Variants in MGAM observed in about 807,000 individuals in gnomAD.
The protein encoded by MGAM is alpha-1,4-glucosidase.
MGAM carries 253 observed loss-of-function variants against 358.8 expected under a neutral mutation model. The ratio of observed to expected loss-of-function variants is 0.71; its 90% CI spans 0.64 to 0.78. The LOEUF (loss-of-function observed/expected upper bound fraction) is 0.78. MGAM is among the 30% of genes least tolerant of loss of function. MGAM has a pLI of 0.00. For missense variants in MGAM, 3,080 were observed against 3,432.6 expected, an observed-to-expected ratio of 0.90 and a Z score of 2.57; for synonymous variants, 1,105 against 1,227.1, an observed-to-expected ratio of 0.90 and a Z score of 2.08.
chr7:142,056,799 C>T (rs751909543), intron 29 of MGAM, 31 bp from the exon 30 acceptor site: 22 of 1,606,444 alleles, frequency 1.4e-5, no homozygotes, highest in South Asian at 3.3e-5. Context: ...GGAAGGTGTC[C>T]GTGAGGCTTG....
intron 16 of MGAM, 112 bp from the exon 17 acceptor site, chr7:142,036,057 G>C (rs1807961629): frequency 1.3e-6 from 1 of 763,386 alleles, no homozygotes; most frequent in African/African-American, 1.8e-5. Flanking sequence ...CACCCTCCTA[G>C]CCTTCTCGGT....
intron 60 of MGAM, 83 bp downstream of exon 60, chr7:142,093,633 A>G (rs1815613968): frequency 9.0e-6 from 12 of 1,335,632 alleles, no homozygotes; most frequent in South Asian, 4.0e-5. Flanking sequence ...TTTTCTTTTC[A>G]TTCCCATTCT....
In MGAM at chr7:142,071,172, T is replaced by C. The variant is rs1813317288; in HGVS notation, c.5186+54T>C. On this transcript the variant is annotated intron_variant, in intron 44 of 70. Transcript: ENST00000475668. The stretch of plus-strand genomic sequence containing the variant: ...ACATTTCAGTTAGCTCAACAATTTG[T>C]GATGAAGTCTACCAAAATGTAAGCA... 5.3e-6 allele frequency: 8 copies of C among 1,500,390 alleles called. No homozygotes were observed. In the East Asian group the frequency reaches 1.9e-4, roughly 35 times the overall value. The allele number at this position is 1,500,390 out of a possible 1,614,324, so 92.9% of individuals were successfully genotyped here.
intron 2 of MGAM, among the ~76,000 whole-genome samples, chr7:141,989,414 A>C (rs547366164): frequency 5.3e-5 from 8 of 152,328 alleles, no homozygotes; most frequent in African/African-American, 1.9e-4. Context: ...TGAAGTACTC[A>C]TGATCATCCC....
At chr7:142,065,686 C>T in intron 39 of MGAM, 29 bp from the exon 40 acceptor site, 3 of 1,608,972 alleles carry the variant, frequency 1.9e-6, no homozygotes, top group African/African-American at 1.3e-5. Flanking sequence ...AAATCATCAG[C>T]AGGCTCCTTT....
intron 21 of MGAM, among the ~76,000 whole-genome samples, chr7:142,041,107 C>A (rs571765125): frequency 8.5e-5 from 13 of 152,190 alleles, no homozygotes; most frequent in Middle Eastern, 3.4e-3. Context: ...TTCTAGAGAA[C>A]CTTGACTCTC....
At chr7:142,070,398 T>G (rs1813242134) in intron 43 of MGAM, among the ~76,000 whole-genome samples, 1 of 145,826 alleles carries the variant, frequency 6.9e-6, no homozygotes, top group Non-Finnish European at 1.6e-5. Flanking sequence ...AAAGTTTTAG[T>G]GGAACACAGC....
At chr7:142,033,368 G>A (rs1554464522) in intron 14 of MGAM, among the ~76,000 whole-genome samples, 1 of 152,190 alleles carries the variant, frequency 6.6e-6, no homozygotes, top group African/African-American at 2.4e-5. Flanking sequence ...CAAAGTCAGT[G>A]AACGTGATGA....
chr7:142,055,854 C>A, intron 28 of MGAM, 128 bp downstream of exon 28: 1 of 1,483,080 alleles, frequency 6.7e-7, no homozygotes, highest in East Asian at 2.4e-5. Flanking sequence ...GGCCAATTCT[C>A]AGGCTCCTTT....
At chr7:142,034,867 A>G in intron 16 of MGAM, 26 bp downstream of exon 16, 1 of 1,587,630 alleles carries the variant, frequency 6.3e-7, no homozygotes, top group Admixed American at 1.8e-5. Flanking sequence ...AAGCTCTCTT[A>G]TGAACCTGAA....
Position 142,080,862 on chromosome 7 carries a change from C to G in MGAM, c.5919C>G (p.Thr1973=), listed in dbSNP as rs779523081. 6.4e-7 allele frequency: 1 copy of G among 1,556,426 alleles called. No individual in the cohort carries two copies. The highest frequency in any genetic ancestry group is 8.8e-7 in the Non-Finnish European group (1 of 1,132,518). Residue 1973 remains threonine, a synonymous_variant, in exon 50 of 71, where the codon ACC becomes ACG. Coordinates refer to ENST00000475668, the MANE Select transcript of MGAM (RefSeq NM_001365693.1). ...PLNIPSVPSS[T]PEGQLYDVLI... is the part of the protein sequence containing the mutation. ...ACATACCCAGCGTGCCATCCAGCACCCCTGAGGGTCAACTCTATGATGTCC... is the reference window on the plus strand; with the variant it reads ...ACATACCCAGCGTGCCATCCAGCACGCCTGAGGGTCAACTCTATGATGTCC...
chr7:142,042,213 A>T (rs868597652), intron 21 of MGAM, among the ~76,000 whole-genome samples: 2 of 5,410 alleles, frequency 3.7e-4, no homozygotes, highest in East Asian at 9.1e-3. Context: ...ATAACATATT[A>T]TATATACATA....
rs1380272908 is a variant in MGAM, at chr7:142,086,651, A to G, written c.6748-4A>G. The stretch of plus-strand genomic sequence containing the variant: ...ATCGCTACTGAACATGTTTCTCTCC[A>G]TAGGTCTGGCCTGATTTTCCTGATG... On this transcript the variant is annotated splice_region_variant and splice_polypyrimidine_tract_variant and intron_variant, in intron 56 of 70. Coordinates refer to ENST00000475668, the MANE Select transcript of MGAM (RefSeq NM_001365693.1). The G allele has an allele frequency of 9.0e-7, 1 of 1,110,380 alleles. No homozygotes were observed. The highest frequency in any genetic ancestry group is 1.2e-6 in the Non-Finnish European group (1 of 802,492). The allele number at this position is 1,110,380 out of a possible 1,614,324, so 68.8% of individuals were successfully genotyped here.
chr7:142,014,994 A>T lies in MGAM; in HGVS notation c.328-4205A>T, dbSNP rs946277953. Among the ~76,000 whole-genome samples, 6 of 152,178 alleles carry T rather than the reference A, an allele frequency of 3.9e-5. No homozygotes were observed. The East Asian group carries it at 9.6e-4, about 24-fold the overall frequency. ...GATATATATCTTAAGTTTACTAGAC[A>T]TTATCAAATTGATCTCCAAAGTGGC... On this transcript the variant is annotated intron_variant, in intron 3 of 70. Transcript: ENST00000475668.
At chr7:142,056,519 T>C (rs1205789050) in intron 29 of MGAM, among the ~76,000 whole-genome samples, 1 of 152,164 alleles carries the variant, frequency 6.6e-6, no homozygotes, top group African/African-American at 2.4e-5. Flanking sequence ...CTCAGCATCA[T>C]GCAATATTCC....
At chr7:142,068,519 A>T in intron 42 of MGAM, 128 bp from the exon 43 acceptor site, 1 of 735,580 alleles carries the variant, frequency 1.4e-6, no homozygotes, top group Non-Finnish European at 2.3e-6. Flanking sequence ...CCCAGTTGTT[A>T]ACCTCTTGGG....
intron 21 of MGAM, among the ~76,000 whole-genome samples, chr7:142,045,193 TAA>T (rs1809955082): frequency 2.9e-5 from 2 of 68,266 alleles, no homozygotes; most frequent in Non-Finnish European, 5.8e-5. Context: ...ATATGATATA[TAA>T]TATATATTAT....
At position 142,105,775 on chromosome 7, in the gene MGAM, A is replaced by C. The variant is rs572693973; in HGVS notation, c.8185-39A>C. 1.1e-5 allele frequency: 16 copies of C among 1,522,666 alleles called. No individual in the cohort carries two copies. In the African/African-American group the frequency reaches 2.2e-4, roughly 21 times the overall value. 94.3% of individuals were successfully genotyped at this position (1,522,666 alleles called of 1,614,324 possible). ...ATTTATTTGCATGCAGGAAATTTCA[A>C]CACCGGATGCCCAATTCTTTTCCTT... On this transcript the variant is annotated intron_variant, in intron 70 of 70. Transcript: ENST00000475668.
chr7:142,094,346 CT>C lies in MGAM; in HGVS notation c.7173-14del. 3.3e-6 allele frequency: 5 copies of C among 1,506,536 alleles called. No individual in the cohort carries two copies. In the South Asian group the frequency reaches 4.8e-5, roughly 15 times the overall value. The allele number at this position is 1,506,536 out of a possible 1,614,324, so 93.3% of individuals were successfully genotyped here. On this transcript the variant is annotated splice_polypyrimidine_tract_variant and intron_variant, in intron 60 of 70. Transcript: ENST00000475668. ...CCTGGCGGTGCCCTCAGTTCACCTC[CT>C]TTTCCCCTCCAACCAGAGCCGTGCA...
Sources: gnomAD v4.1 joint callset for allele counts (sites outside exome capture counted in the v4.1 genomes callset) on GRCh38, gnomAD v4.1.1 for gene constraint, MANE v1.5 for transcripts, NCBI Gene and HGNC (gene_info 2026-07-23, HGNC 2026-07-21) for gene names.